The following CFHR3 variants were observed in gnomAD, a reference collection of about 807,000 sequenced individuals.
CFHR3 encodes the protein complement factor H related 3.
Under a neutral mutation model 36.0 loss-of-function variants are expected in CFHR3, and 22 were observed. The observed-to-expected ratio is 0.61, with a 90% confidence interval of 0.44 to 0.87. CFHR3 has a LOEUF of 0.87. Among genes scored for constraint, CFHR3 ranks in the 40% least tolerant of loss-of-function variants. CFHR3 has a pLI of 0.00. For synonymous variants in CFHR3, 97 were observed against 137.4 expected (o/e 0.71, Z 2.06); for missense variants, 276 against 401.3 (o/e 0.69, Z 2.67).
rs1178754976 is a variant in CFHR3 at position 196,781,381 on chromosome 1, T to A, written c.430+1408T>A. Among the ~76,000 whole-genome samples, 53 of 135,616 alleles carry A rather than the reference T, an allele frequency of 3.9e-4. 3 individuals are homozygous for A. The highest frequency in any genetic ancestry group is 5.9e-4 in the East Asian group (3 of 5,082). 89.0% of individuals were successfully genotyped at this position (135,616 alleles called of 152,430 possible). A position where few individuals can be genotyped will look rare whatever the true frequency, so the allele number is the denominator to read the frequency against. ...AGATCCCTGAGGAATCACCACACTG[T>A]CTTCCACAATGGTTGAACTAGTTTA... is the stretch of plus-strand genomic sequence containing the variant. On this transcript the variant is annotated intron_variant, in intron 3 of 5. Transcript: ENST00000367425.
At position 196,781,931 on chromosome 1, in the gene CFHR3, G is replaced by C. The variant is rs1483194103; in HGVS notation, c.430+1958G>C. Among the ~76,000 whole-genome samples, 3 of 136,742 alleles carry C rather than the reference G, an allele frequency of 2.2e-5. 1 individual carries two copies. Among genetic ancestry groups the C allele is most frequent in the Admixed American group, 7.0e-5 (1 of 14,194 alleles). The allele number at this position is 136,742 out of a possible 152,430, so 89.7% of individuals were successfully genotyped here. On this transcript the variant is annotated intron_variant, in intron 3 of 5. Coordinates refer to ENST00000367425, the MANE Select transcript of CFHR3 (RefSeq NM_021023.6). ...GGTTTTCTTTTAGGGTTTTTATGGT[G>C]TTAGGTCTATCATTTAAGTCTTTAA...
intron 4 of CFHR3, chr1:196,788,671 A>G: frequency 6.9e-7 from 1 of 1,450,790 alleles, no homozygotes; most frequent in Non-Finnish European, 9.2e-7. Context: ...GCTGCATGAG[A>G]GTATCAGCAA....
At chr1:196,779,736 C>T in intron 2 of CFHR3, 61 bp from the exon 3 acceptor site, 1 of 1,430,284 alleles carries the variant, frequency 7.0e-7, no homozygotes, top group Non-Finnish European at 9.3e-7. Context: ...TTTTAATATA[C>T]TTTTTGTGCA....
At chr1:196,792,327 A>G (rs546848056) in intron 5 of CFHR3, among the ~76,000 whole-genome samples, 1 of 112,182 alleles carries the variant, frequency 8.9e-6, no homozygotes, top group East Asian at 2.8e-4. Context: ...ACTAGAATGC[A>G]GAATACTTGA....
chr1:196,779,901 C>A lies in CFHR3; in HGVS notation c.358C>A (p.Leu120Ile). Residue 120 changes from leucine to isoleucine, a missense_variant, in exon 3 of 6, where the codon CTT becomes ATT. Physicochemically the swap from Leu to Ile is conservative, Grantham distance 5 (BLOSUM62 2). This residue lies in a region of CFHR3 where 178 missense variants were observed against 247.2 expected (regional missense o/e 0.72). Transcript: ENST00000367425. ...AGTTGCCTGCCATCCTGGCTACGGTCTTCCAAAAGCGCAGACCACAGTTAC... is the reference window on the plus strand; with the variant it reads ...AGTTGCCTGCCATCCTGGCTACGGTATTCCAAAAGCGCAGACCACAGTTAC... Reference protein sequence around the residue: ...TEVACHPGYGLPKAQTTVTCT... With the variant: ...TEVACHPGYGIPKAQTTVTCT... The A allele has an allele frequency of 2.6e-6, 4 of 1,533,528 alleles. 1 individual carries two copies. Among genetic ancestry groups the A allele is most frequent in the South Asian group, 2.5e-5 (2 of 80,656 alleles). The allele number at this position is 1,533,528 out of a possible 1,614,324, so 95.0% of individuals were successfully genotyped here.
At chr1:196,783,673 G>A (rs1385992697) in intron 3 of CFHR3, among the ~76,000 whole-genome samples, 1 of 135,188 alleles carries the variant, frequency 7.4e-6, no homozygotes, top group Non-Finnish European at 1.6e-5. Flanking sequence ...TTTTTATTGT[G>A]TCTATTTGAT....
At chr1:196,777,314 A>G (rs1487463099) in intron 1 of CFHR3, among the ~76,000 whole-genome samples, 1 of 137,352 alleles carries the variant, frequency 7.3e-6, no homozygotes, top group Non-Finnish European at 1.5e-5. Flanking sequence ...TAAACTTTAT[A>G]TTCATCTACT....
intron 3 of CFHR3, among the ~76,000 whole-genome samples, chr1:196,784,374 C>T (rs1318644778): frequency 1.5e-5 from 2 of 135,510 alleles, no homozygotes; most frequent in East Asian, 3.9e-4. Flanking sequence ...CTTTCCATCT[C>T]GTTGATCTGT....
intron 5 of CFHR3, among the ~76,000 whole-genome samples, chr1:196,791,280 C>T (rs1171621415): frequency 2.2e-5 from 3 of 135,908 alleles, no homozygotes; most frequent in Admixed American, 2.1e-4. Context: ...AATTTTGTCC[C>T]CCAAGTACTA....
chr1:196,791,915 C>A (rs375141903), intron 5 of CFHR3, among the ~76,000 whole-genome samples: 2 of 135,914 alleles, frequency 1.5e-5, no homozygotes, highest in South Asian at 2.6e-4. Flanking sequence ...TTATAATTAT[C>A]TGAAGATATA....
chr1:196,788,461 G>A lies in CFHR3; in HGVS notation c.613+63G>A. The A allele has an allele frequency of 4.7e-6, 7 of 1,502,676 alleles. 2 individuals are homozygous for A. The South Asian group carries it at 7.9e-5, about 17-fold the overall frequency. The allele number at this position is 1,502,676 out of a possible 1,614,324, so 93.1% of individuals were successfully genotyped here. A position where few individuals can be genotyped will look rare whatever the true frequency, so the allele number is the denominator to read the frequency against. ...CTTCGTTCCTCTCTTTGAGATGATA[G>A]TGTTTTACTTAAAAATATAGAAAAC... On this transcript the variant is annotated intron_variant, in intron 4 of 5. Transcript: ENST00000367425.
intron 1 of CFHR3, among the ~76,000 whole-genome samples, chr1:196,778,703 A>G (rs1558196293): frequency 7.3e-6 from 1 of 136,062 alleles, no homozygotes; most frequent in East Asian, 2.0e-4. Flanking sequence ...TACATTTCTG[A>G]TTTTTTTTAA....
chr1:196,790,481 C>G (rs1654382090), intron 5 of CFHR3, among the ~76,000 whole-genome samples: 1 of 134,942 alleles, frequency 7.4e-6, no homozygotes, highest in Admixed American at 7.1e-5. Context: ...AGTCCCAGCA[C>G]TTTGGAAGGC....
At chr1:196,789,916 A>AC in intron 4 of CFHR3, 129 bp from the exon 5 acceptor site, 1 of 1,256,660 alleles carries the variant, frequency 8.0e-7, no homozygotes, top group East Asian at 2.9e-5. Context: ...AGAAAAAACA[A>AC]CGTTGAAAAT....
At chr1:196,791,061 G>T (rs1393936504) in intron 5 of CFHR3, among the ~76,000 whole-genome samples, 3 of 136,588 alleles carry the variant, frequency 2.2e-5, no homozygotes, top group Admixed American at 1.4e-4. Flanking sequence ...CACATAGCTG[G>T]TTAACACTGA....
rs181514949 is a variant in CFHR3, at chr1:196,778,321, C to T, written c.59-841C>T. ...CATCTGCACACTAAAGCTGTTGTGC[C>T]GCTAGCCTCCTTCCCGTTCTCTCTG... On this transcript the variant is annotated intron_variant, in intron 1 of 5. Transcript: ENST00000367425. 5.8e-5 allele frequency among the ~76,000 whole-genome samples: 8 copies of T among 136,778 alleles called. 1 individual carries two copies. The highest frequency in any genetic ancestry group is 4.9e-4 in the Admixed American group (7 of 14,176). The allele number at this position is 136,778 out of a possible 152,430, so 89.7% of individuals were successfully genotyped here.
intron 4 of CFHR3, chr1:196,788,980 C>T (rs566236083): frequency 7.6e-7 from 1 of 1,320,524 alleles, no homozygotes; most frequent in African/African-American, 1.9e-5. Context: ...AAACCTCATA[C>T]TTGCCAATGG....
intron 1 of CFHR3, among the ~76,000 whole-genome samples, chr1:196,775,968 A>C (rs560498037): frequency 7.6e-6 from 1 of 131,030 alleles, no homozygotes; most frequent in Non-Finnish European, 1.6e-5. Flanking sequence ...ATGATTTGCT[A>C]GTTTTATTTG....
At position 196,783,996 on chromosome 1, in the gene CFHR3, T is replaced by C. The variant is rs1197403026; in HGVS notation, c.430+4023T>C. 3.7e-5 allele frequency among the ~76,000 whole-genome samples: 5 copies of C among 136,808 alleles called. 1 individual carries two copies. Among genetic ancestry groups the C allele is most frequent in the Non-Finnish European group, 7.7e-5 (5 of 64,612 alleles). 89.8% of individuals were successfully genotyped at this position (136,808 alleles called of 152,430 possible). A position where few individuals can be genotyped will look rare whatever the true frequency, so the allele number is the denominator to read the frequency against. Reference sequence around the variant, plus strand: ...TGAATGTGTCCCATAGATTCTGGTATGTTGTGTCTTTGTTCTCGTTGGTTT... The same window carrying C: ...TGAATGTGTCCCATAGATTCTGGTACGTTGTGTCTTTGTTCTCGTTGGTTT... On this transcript the variant is annotated intron_variant, in intron 3 of 5. Coordinates refer to ENST00000367425, the MANE Select transcript of CFHR3 (RefSeq NM_021023.6).
Sources: gnomAD v4.1 joint callset for allele counts (sites outside exome capture counted in the v4.1 genomes callset) on GRCh38, gnomAD v4.1.1 for gene constraint, gnomAD v4.1.1 regional missense constraint, MANE v1.5 for transcripts, NCBI Gene and HGNC (gene_info 2026-07-23, HGNC 2026-07-21) for gene names.